Variants in MXRA7 observed in about 807,000 individuals in gnomAD.
The protein encoded by MXRA7 is matrix-remodeling-associated protein 7.
MXRA7 carries 18 observed loss-of-function variants against 17.4 expected under a neutral mutation model. The observed-to-expected ratio is 1.03, with a 90% CI of 0.71 to 1.53. The LOEUF (loss-of-function observed/expected upper bound fraction) is 1.53, where lower values mean the gene tolerates loss of function less well. MXRA7 is among the 40% of genes most tolerant of loss of function. The probability of loss-of-function intolerance (pLI) is 0.00; values close to 1 mark genes in which losing one functional copy is unlikely to be tolerated. For missense variants in MXRA7, 141 were observed against 209.3 expected (o/e 0.67, Z 2.01); for synonymous variants, 70 against 101.7 (o/e 0.69, Z 1.87).
exon 4 of MXRA7, chr17:76,673,142 G>A (rs1452419247): frequency 6.6e-6 from 1 of 152,250 alleles, no homozygotes; most frequent in Non-Finnish European, 1.5e-5. Flanking sequence ...GCAGGCCTTT[G>A]TACCCCACTA....
chr17:76,681,625 A>G lies in MXRA7; in HGVS notation c.501-746T>C, dbSNP rs1419612993. On this transcript the variant is annotated intron_variant, in intron 3 of 3. Coordinates refer to ENST00000449428, the MANE Select transcript of MXRA7 (RefSeq NM_198530.4). This position sits in a 1 kb window ranked among gnomAD's most constrained non-coding sequence, Gnocchi z 4.7. ...TGTCCATTTCCAGAGGAGTCAAGAC[A>G]GCCCTGCAGACCTCAAATGGAGGGG... Among the ~76,000 whole-genome samples, 1 of 152,178 alleles carries G rather than the reference A, an allele frequency of 6.6e-6. No individual in the cohort carries two copies. Among genetic ancestry groups the G allele is most frequent in the Non-Finnish European group, 1.5e-5 (1 of 68,032 alleles).
At chr17:76,700,877 GGA>G (rs539715255) in intron 1 of MXRA7, among the ~76,000 whole-genome samples, 5 of 152,182 alleles carry the variant, frequency 3.3e-5, no homozygotes, top group African/African-American at 1.2e-4. Flanking sequence ...GACATAGAGA[GGA>G]GAGAGGTGAG....
intron 1 of MXRA7, among the ~76,000 whole-genome samples, chr17:76,691,082 T>C (rs2076474571): frequency 6.6e-6 from 1 of 152,156 alleles, no homozygotes; most frequent in Admixed American, 6.5e-5. Flanking sequence ...AATGAGGAGC[T>C]TGGAACTTTC....
rs1020023017 is a variant in MXRA7 at position 76,685,163 on chromosome 17, C to T, written c.409G>A (p.Glu137Lys). 3 of 1,613,550 alleles carry T rather than the reference C, an allele frequency of 1.9e-6. No homozygotes were observed. The highest frequency in any genetic ancestry group is 1.1e-5 in the South Asian group (1 of 91,066). Residue 137 changes from glutamate to lysine, a missense_variant and splice_region_variant, in exon 3 of 4, where the codon GAA becomes AAA. Physicochemically the swap from Glu to Lys is moderately conservative, Grantham distance 56 (BLOSUM62 1). Coordinates refer to ENST00000449428, the MANE Select transcript of MXRA7 (RefSeq NM_198530.4). Reference protein sequence around the residue: ...SSEGPEEEDGEGFSFKYSPGK... With the variant: ...SSEGPEEEDGKGFSFKYSPGK... ...GGGCTGTATTTGAAGGAGAAGCCTT[C>T]TCCTGTGGAGGGGGGACCCAGTAAG...
intron 1 of MXRA7, among the ~76,000 whole-genome samples, chr17:76,694,334 CCA>C (rs1325335001): frequency 1.3e-5 from 2 of 152,176 alleles, no homozygotes; most frequent in Non-Finnish European, 2.9e-5. Context: ...CCTCTCCTGT[CCA>C]CCACTCACCA....
At chr17:76,690,085 A>ATGTGCACGGTGGGGGCCTGGAGG in intron 1 of MXRA7, 1 of 152,080 alleles carries the variant, frequency 6.6e-6, no homozygotes. Context: ...AATCGAGGGA[A>ATGTGCACGGTGGGGGCCTGGAGG]AAATGCAAGC....
intron 3 of MXRA7, among the ~76,000 whole-genome samples, chr17:76,682,818 G>A (rs376426787): frequency 3.9e-5 from 6 of 152,296 alleles, no homozygotes; most frequent in African/African-American, 1.4e-4. Context: ...GGCACAAAGT[G>A]GTAACTGCAG....
chr17:76,685,076 GCTC>G lies in MXRA7; in HGVS notation c.493_495del (p.Glu165del), dbSNP rs1406081364. 2 of 1,613,710 alleles carry G rather than the reference GCTC, an allele frequency of 1.2e-6. No homozygotes were observed. Among genetic ancestry groups the G allele is most frequent in the East Asian group, 2.2e-5 (1 of 44,838 alleles). ...AGCGAAGGGGCTGCAGCCTACCTCT[GCTC>G]CTCCTCCAGCTCCTCTTTGGTCATC... On this transcript the variant is annotated inframe_deletion, in exon 3 of 4. Transcript: ENST00000449428.
At chr17:76,707,500 C>T (rs9914041) in intron 1 of MXRA7, among the ~76,000 whole-genome samples, 63,134 of 151,608 alleles carry the variant, frequency 0.42, 13,688 homozygotes, top group Middle Eastern at 0.52. Flanking sequence ...GACGGGGTTT[C>T]GCCATGTTGG....
intron 2 of MXRA7, among the ~76,000 whole-genome samples, chr17:76,687,206 G>A (rs1365172252): frequency 2.0e-5 from 3 of 152,170 alleles, no homozygotes; most frequent in South Asian, 2.1e-4. Context: ...GCAGCCCACC[G>A]CCTGCACCCA....
chr17:76,683,440 T>C (rs1219860837), intron 3 of MXRA7, among the ~76,000 whole-genome samples: 1 of 152,196 alleles, frequency 6.6e-6, no homozygotes, highest in Non-Finnish European at 1.5e-5. Flanking sequence ...GCACGGACCG[T>C]TCTCAGAGTA....
intron 2 of MXRA7, among the ~76,000 whole-genome samples, chr17:76,687,884 G>A (rs996458541): frequency 6.6e-6 from 1 of 152,204 alleles, no homozygotes; most frequent in African/African-American, 2.4e-5. Flanking sequence ...GAGGGGCCCC[G>A]GGATGGGAAA....
downstream of MXRA7, chr17:76,676,633 C>G (rs1306042364): frequency 6.6e-6 from 1 of 152,194 alleles, no homozygotes; most frequent in African/African-American, 2.4e-5. Context: ...TATGGTGGTG[C>G]ATGCCTGTAA....
At chr17:76,683,839 G>C in intron 3 of MXRA7, 1 of 1,609,948 alleles carries the variant, frequency 6.2e-7, no homozygotes, top group South Asian at 1.1e-5. Context: ...AGAAATCAGT[G>C]TCCTTACCAA....
intron 1 of MXRA7, among the ~76,000 whole-genome samples, chr17:76,705,195 CTT>C (rs1348365409): frequency 6.6e-6 from 1 of 152,194 alleles, no homozygotes; most frequent in Non-Finnish European, 1.5e-5. Context: ...AACCAAGGCT[CTT>C]TCTCTCTGAA....
At chr17:76,684,806 G>T in intron 3 of MXRA7, 1 of 512,868 alleles carries the variant, frequency 1.9e-6, no homozygotes, top group Non-Finnish European at 3.5e-6. Context: ...GTGGGGGGGT[G>T]CAGTAAATGG....
In MXRA7 at chr17:76,681,476, G is replaced by C. The variant is rs775475703; in HGVS notation, c.501-597C>G. On this transcript the variant is annotated intron_variant, in intron 3 of 3. Transcript: ENST00000449428. This position sits in a 1 kb window ranked among gnomAD's most constrained non-coding sequence, Gnocchi z 4.7. ...CTGAGCTGGAAATTCACACTGGCAG[G>C]TCTATTGTCTGTAGTTTCTTGCATA... 6.6e-6 allele frequency among the ~76,000 whole-genome samples: 1 copy of C among 152,084 alleles called. No homozygotes were observed. The highest frequency in any genetic ancestry group is 2.4e-5 in the African/African-American group (1 of 41,390).
At chr17:76,706,042 C>T (rs1291373450) in intron 1 of MXRA7, among the ~76,000 whole-genome samples, 1 of 151,050 alleles carries the variant, frequency 6.6e-6, no homozygotes, top group Non-Finnish European at 1.5e-5. Flanking sequence ...GCCCACTCTG[C>T]TATCACAAAG....
chr17:76,704,973 A>T (rs1308711384), intron 1 of MXRA7, among the ~76,000 whole-genome samples: 1 of 152,048 alleles, frequency 6.6e-6, no homozygotes, highest in Non-Finnish European at 1.5e-5. Flanking sequence ...TCTCTGGAAG[A>T]CGGTTTACCA....
Sources: allele counts gnomAD v4.1 joint callset (sites outside exome capture counted in the v4.1 genomes callset), GRCh38; gene constraint gnomAD v4.1.1; non-coding constraint Gnocchi (gnomAD v3.1); transcripts MANE v1.5; gene names NCBI Gene and HGNC (gene_info 2026-07-23, HGNC 2026-07-21).